Variants in AFG1L observed in about 807,000 individuals in gnomAD.
AFG1L encodes AFG1-like ATPase.
A neutral mutation model predicts 62.2 loss-of-function variants in AFG1L; 53 were observed. That is an observed-to-expected ratio of 0.85 (90% CI 0.68 to 1.07). The LOEUF is 1.07. Among genes scored for constraint, AFG1L ranks in the 50% least tolerant of loss-of-function variants. The probability of loss-of-function intolerance (pLI) is 0.00; values close to 1 mark genes in which losing one functional copy is unlikely to be tolerated. For synonymous variants in AFG1L, 228 were observed against 210.3 expected, an observed-to-expected ratio of 1.08 and a Z score of -0.73; for missense variants, 555 against 590.5, an observed-to-expected ratio of 0.94 and a Z score of 0.62.
At chr6:108,371,263 C>G (rs2114516365) in intron 6 of AFG1L, among the ~76,000 whole-genome samples, 1 of 152,190 alleles carries the variant, frequency 6.6e-6, no homozygotes, top group African/African-American at 2.4e-5. Context: ...CACTACAAGA[C>G]ACTAGAAATG....
intron 7 of AFG1L, among the ~76,000 whole-genome samples, chr6:108,423,336 T>C (rs1237526141): frequency 1.3e-5 from 2 of 152,088 alleles, no homozygotes; most frequent in Non-Finnish European, 2.9e-5. Flanking sequence ...TTTTGAATGA[T>C]TGCTAATTAC....
At chr6:108,446,052 ACACACAC>A (rs1225859396) in intron 7 of AFG1L, among the ~76,000 whole-genome samples, 14 of 522 alleles carry the variant, frequency 0.027, no homozygotes, top group African/African-American at 0.033. Context: ...ATGTAGAGAT[ACACACAC>A]ACACACACAC....
rs185018617 is a variant in AFG1L at position 108,349,475 on chromosome 6, C to G, written c.415+2436C>G. 2.2e-3 allele frequency among the ~76,000 whole-genome samples: 331 copies of G among 151,864 alleles called. 2 individuals carry two copies. Among genetic ancestry groups the G allele is most frequent in the African/African-American group, 7.9e-3 (326 of 41,394 alleles). ...CTCCAGTCTGGGCAACAGAGTGAGA[C>G]CCCCATCTCAAAAATGAAATAAAAT... On this transcript the variant is annotated intron_variant, in intron 3 of 12. Transcript: ENST00000368977.
chr6:108,511,954 G>A (rs960959119), intron 11 of AFG1L, among the ~76,000 whole-genome samples: 1 of 152,212 alleles, frequency 6.6e-6, no homozygotes, highest in Non-Finnish European at 1.5e-5. Context: ...CACCACTGTG[G>A]GATGACCTGT....
chr6:108,312,570 T>C (rs1373166858), intron 1 of AFG1L, among the ~76,000 whole-genome samples: 1 of 151,862 alleles, frequency 6.6e-6, no homozygotes. Flanking sequence ...AATAAAGTAA[T>C]AATAATAAAA....
Position 108,324,011 on chromosome 6 carries a change from A to C in AFG1L, c.326A>C (p.Lys109Thr). The change falls in exon 2 of 13, where the codon AAA becomes ACA. Residue 109 changes from lysine to threonine, a missense_variant. By Grantham distance (78) the Lys-to-Thr change is moderately conservative. Coordinates refer to ENST00000368977, the MANE Select transcript of AFG1L (RefSeq NM_145315.5). ...TTGCAGAAATTACACGAGGACCTTAAAGGATACAATATAGAGGCAGAAGGC... is the reference window on the plus strand; with the variant it reads ...TTGCAGAAATTACACGAGGACCTTACAGGATACAATATAGAGGCAGAAGGC... ...QCLQKLHEDL[K>T]GYNIEAEGLF... 1 of 1,614,094 alleles carries C rather than the reference A, an allele frequency of 6.2e-7. No individual in the cohort carries two copies. The highest frequency in any genetic ancestry group is 1.3e-5 in the African/African-American group (1 of 75,070).
At chr6:108,496,153 A>T (rs2114864223) in intron 10 of AFG1L, among the ~76,000 whole-genome samples, 1 of 152,366 alleles carries the variant, frequency 6.6e-6, no homozygotes, top group Non-Finnish European at 1.5e-5. Context: ...AGGAGGATCA[A>T]CTAATGCAAA....
chr6:108,478,810 T>A (rs1199431726), intron 10 of AFG1L, among the ~76,000 whole-genome samples: 1 of 152,168 alleles, frequency 6.6e-6, no homozygotes, highest in East Asian at 1.9e-4. Context: ...ATCCACATTT[T>A]AAAAATATGC....
At chr6:108,387,442 T>C (rs750939778) in intron 6 of AFG1L, 2 of 152,300 alleles carry the variant, frequency 1.3e-5, no homozygotes, top group Non-Finnish European at 2.9e-5. Context: ...CAGCGGATGT[T>C]TGTGCAGGGC....
chr6:108,420,849 A>C (rs538692824), intron 7 of AFG1L, among the ~76,000 whole-genome samples: 25 of 152,296 alleles, frequency 1.6e-4, no homozygotes, highest in African/African-American at 5.8e-4. Context: ...TAGAACAATA[A>C]ATAGTTATTT....
intron 11 of AFG1L, among the ~76,000 whole-genome samples, chr6:108,518,799 T>A (rs1404227442): frequency 1.3e-5 from 2 of 152,246 alleles, no homozygotes; most frequent in African/African-American, 4.8e-5. Flanking sequence ...TTGAAGAATG[T>A]CCTAGCAGGA....
chr6:108,489,719 C>T (rs543904710), intron 10 of AFG1L, among the ~76,000 whole-genome samples: 4 of 152,340 alleles, frequency 2.6e-5, no homozygotes, highest in East Asian at 1.9e-4. Context: ...AGGGCTCCAA[C>T]GGTTTCAGTC....
rs181497819 is a variant in AFG1L, at chr6:108,391,126, A to C, written c.749-10870A>C. On this transcript the variant is annotated intron_variant, in intron 6 of 12. Transcript: ENST00000368977. ...TATAATGACCTCTTTTCCTCTGGGTAGATATCCAAGAGTGGGAGGTAGATA... is the reference window on the plus strand; with the variant it reads ...TATAATGACCTCTTTTCCTCTGGGTCGATATCCAAGAGTGGGAGGTAGATA... 3.9e-5 allele frequency among the ~76,000 whole-genome samples: 6 copies of C among 152,282 alleles called. No homozygotes were observed. In the East Asian group the frequency reaches 1.2e-3, roughly 29 times the overall value.
chr6:108,321,374 C>T (rs1303210232), intron 1 of AFG1L, among the ~76,000 whole-genome samples: 1 of 152,158 alleles, frequency 6.6e-6, no homozygotes, highest in Non-Finnish European at 1.5e-5. Context: ...TGTTCACCAA[C>T]CCAGAAGTTC....
intron 5 of AFG1L, among the ~76,000 whole-genome samples, chr6:108,360,466 A>G (rs1779480221): frequency 6.6e-6 from 1 of 152,214 alleles, no homozygotes; most frequent in African/African-American, 2.4e-5. Context: ...ATTGCATAAT[A>G]TAGCATTCTT....
At chr6:108,400,283 G>A (rs1000496411) in intron 6 of AFG1L, among the ~76,000 whole-genome samples, 3 of 151,856 alleles carry the variant, frequency 2.0e-5, no homozygotes, top group African/African-American at 7.3e-5. Context: ...TAAGAGAAAA[G>A]GCTTTCAGTT....
chr6:108,438,313 C>T, intron 7 of AFG1L, among the ~76,000 whole-genome samples: 1 of 152,252 alleles, frequency 6.6e-6, no homozygotes, highest in Non-Finnish European at 1.5e-5. Flanking sequence ...CTCCTGAGGC[C>T]TCTCTCCGTG....
intron 6 of AFG1L, among the ~76,000 whole-genome samples, chr6:108,367,575 A>G (rs1779811590): frequency 6.6e-6 from 1 of 152,122 alleles, no homozygotes; most frequent in African/African-American, 2.4e-5. Context: ...GAGCAATTGG[A>G]AGGATAAAGT....
At chr6:108,417,278 A>G (rs1355829563) in intron 7 of AFG1L, among the ~76,000 whole-genome samples, 2 of 129,288 alleles carry the variant, frequency 1.5e-5, no homozygotes, top group African/African-American at 6.2e-5. Context: ...ACACACACAC[A>G]CACACACACA....
Sources: allele counts gnomAD v4.1 joint callset (sites outside exome capture counted in the v4.1 genomes callset), GRCh38; gene constraint gnomAD v4.1.1; transcripts MANE v1.5; gene names NCBI Gene and HGNC (gene_info 2026-07-23, HGNC 2026-07-21).